Variants in CACNB2 observed in about 807,000 individuals in gnomAD.
CACNB2 encodes calcium voltage-gated channel auxiliary subunit beta 2.
CACNB2 carries 42 observed loss-of-function variants against 73.3 expected under a neutral mutation model. The observed-to-expected ratio is 0.57, with a 90% CI of 0.45 to 0.74. The LOEUF (loss-of-function observed/expected upper bound fraction) is 0.74. Among genes scored for constraint, CACNB2 ranks in the 30% least tolerant of loss-of-function variants. CACNB2 has a pLI of 0.00. For missense variants in CACNB2, 940 were observed against 853.0 expected (o/e 1.10, Z -1.27); for synonymous variants, 348 against 310.3 (o/e 1.12, Z -1.28).
chr10:18,523,431 C>T (rs1055481189), intron 9 of CACNB2, among the ~76,000 whole-genome samples: 1 of 152,126 alleles, frequency 6.6e-6, no homozygotes. Flanking sequence ...ATCAGCCACC[C>T]AGATTGGTTT....
intron 2 of CACNB2, among the ~76,000 whole-genome samples, chr10:18,247,829 A>G (rs769425272): frequency 3.3e-5 from 5 of 152,220 alleles, no homozygotes; most frequent in Admixed American, 6.5e-5. Context: ...TTTCTGGGGT[A>G]AAGGAAACCA....
intron 3 of CACNB2, among the ~76,000 whole-genome samples, chr10:18,471,404 A>T (rs1452690411): frequency 6.6e-6 from 1 of 152,200 alleles, no homozygotes; most frequent in Non-Finnish European, 1.5e-5. Context: ...ATTTGTTCAT[A>T]ATAAAGACTA....
intron 6 of CACNB2, among the ~76,000 whole-genome samples, chr10:18,509,212 A>T (rs1256496863): frequency 6.6e-6 from 1 of 152,252 alleles, no homozygotes; most frequent in African/African-American, 2.4e-5. Flanking sequence ...TCCAGGCACA[A>T]CTGCTCCAAC....
At chr10:18,332,205 T>C (rs1411372291) in intron 2 of CACNB2, among the ~76,000 whole-genome samples, 1 of 152,212 alleles carries the variant, frequency 6.6e-6, no homozygotes, top group African/African-American at 2.4e-5. Flanking sequence ...AAGACCTCTT[T>C]GGCTGCTCTA....
intron 2 of CACNB2, chr10:18,261,072 G>C: frequency 4.4e-6 from 6 of 1,364,232 alleles, no homozygotes; most frequent in African/African-American, 1.5e-5. Flanking sequence ...AGACAAACAG[G>C]GGAGAACAAA....
intron 2 of CACNB2, among the ~76,000 whole-genome samples, chr10:18,271,606 G>A (rs2038056612): frequency 6.6e-6 from 1 of 152,020 alleles, no homozygotes; most frequent in African/African-American, 2.4e-5. Context: ...CCTATTTTAG[G>A]AGATGTGTCC....
intron 9 of CACNB2, among the ~76,000 whole-genome samples, chr10:18,523,831 G>C (rs2052168852): frequency 1.3e-5 from 2 of 152,178 alleles, no homozygotes; most frequent in South Asian, 4.1e-4. Context: ...AATAAGCTAA[G>C]TTTATTTTTT....
intron 2 of CACNB2, among the ~76,000 whole-genome samples, chr10:18,295,919 C>T (rs149287973): frequency 1.5e-4 from 22 of 151,498 alleles, no homozygotes; most frequent in African/African-American, 5.1e-4. Context: ...AGAAGTCCAT[C>T]ACCTTTCCTT....
intron 2 of CACNB2, among the ~76,000 whole-genome samples, chr10:18,288,707 A>T (rs1417788360): frequency 6.6e-6 from 1 of 151,410 alleles, no homozygotes; most frequent in Non-Finnish European, 1.5e-5. Context: ...ACACACACAG[A>T]GATACCCAGT....
chr10:18,472,619 A>T (rs2132764978), intron 3 of CACNB2, among the ~76,000 whole-genome samples: 1 of 152,224 alleles, frequency 6.6e-6, no homozygotes, highest in South Asian at 2.1e-4. Context: ...CATACAATGG[A>T]GGTTTAGGGA....
intron 2 of CACNB2, among the ~76,000 whole-genome samples, chr10:18,227,408 A>G (rs1003682377): frequency 6.6e-6 from 1 of 151,864 alleles, no homozygotes; most frequent in Admixed American, 6.6e-5. Flanking sequence ...GAGAGATAGG[A>G]GAAAAAAAAT....
At chr10:18,236,183 T>C (rs907375502) in intron 2 of CACNB2, among the ~76,000 whole-genome samples, 1 of 152,104 alleles carries the variant, frequency 6.6e-6, no homozygotes, top group Non-Finnish European at 1.5e-5. Flanking sequence ...CTTCTGATCC[T>C]GTGGCTCCAG....
At chr10:18,310,630 TAA>T (rs760799280) in intron 2 of CACNB2, among the ~76,000 whole-genome samples, 1 of 99,504 alleles carries the variant, frequency 1.0e-5, no homozygotes, top group Non-Finnish European at 2.1e-5. Context: ...AAAAAAAAAG[TAA>T]AAAAAAAAAG....
At chr10:18,290,506 A>G (rs576869506) in intron 2 of CACNB2, among the ~76,000 whole-genome samples, 19 of 152,292 alleles carry the variant, frequency 1.2e-4, no homozygotes, top group Admixed American at 7.2e-4. Context: ...TCCCAGGAAG[A>G]AAAAAACTCA....
rs370818745 is a variant in CACNB2, at chr10:18,281,425, G to T, written c.214-120499G>T. Among the ~76,000 whole-genome samples the T allele has an allele frequency of 3.3e-5, 5 of 152,294 alleles. No individual in the cohort carries two copies. In the South Asian group the frequency reaches 1.0e-3, roughly 32 times the overall value. Reference sequence around the variant, plus strand: ...ACCACTTACCCTCAAGGGGATTGCCGTCTAATTAGTAAGACAACTAACAAG... The same window carrying T: ...ACCACTTACCCTCAAGGGGATTGCCTTCTAATTAGTAAGACAACTAACAAG... On this transcript the variant is annotated intron_variant, in intron 2 of 13. Transcript: ENST00000324631.
chr10:18,469,068 C>G (rs908279798), intron 3 of CACNB2, among the ~76,000 whole-genome samples: 2 of 152,032 alleles, frequency 1.3e-5, no homozygotes, highest in African/African-American at 4.8e-5. Flanking sequence ...GGCAACAAAG[C>G]GAGACCCTGT....
intron 2 of CACNB2, among the ~76,000 whole-genome samples, chr10:18,384,626 A>C (rs992162597): frequency 6.6e-6 from 1 of 152,066 alleles, no homozygotes; most frequent in Non-Finnish European, 1.5e-5. Flanking sequence ...GCTACTTGGG[A>C]GGCTGAGGTG....
At chr10:18,493,196 TCTCG>T (rs1318346915) in intron 3 of CACNB2, among the ~76,000 whole-genome samples, 4 of 152,114 alleles carry the variant, frequency 2.6e-5, no homozygotes, top group African/African-American at 9.7e-5. Flanking sequence ...TGAGATGGAG[TCTCG>T]CTCTGTTGCC....
At chr10:18,301,744 G>T (rs1386277160) in intron 2 of CACNB2, among the ~76,000 whole-genome samples, 3 of 151,638 alleles carry the variant, frequency 2.0e-5, no homozygotes, top group African/African-American at 7.3e-5. Context: ...CGCCTTCTGG[G>T]TTCCAATGAT....
Sources: gnomAD v4.1 joint callset for allele counts (sites outside exome capture counted in the v4.1 genomes callset) on GRCh38, gnomAD v4.1.1 for gene constraint, MANE v1.5 for transcripts, NCBI Gene and HGNC (gene_info 2026-07-23, HGNC 2026-07-21) for gene names.